THADA: variants seen among roughly 807,000 people sequenced by gnomAD.
THADA encodes THADA armadillo repeat containing.
In THADA, 213 loss-of-function variants were observed where a neutral mutation model predicts 219.8. The observed-to-expected ratio is 0.97, with a 90% CI of 0.87 to 1.09. The LOEUF (loss-of-function observed/expected upper bound fraction) is 1.09. THADA is among the 50% of genes least tolerant of loss of function. The pLI is 0.00. For missense variants in THADA, 2,956 were observed against 2,311.3 expected (o/e 1.28, Z -5.72); for synonymous variants, 1,018 against 828.9 (o/e 1.23, Z -3.92).
intron 18 of THADA, 67 bp downstream of exon 18, chr2:43,552,137 C>T: frequency 6.4e-7 from 1 of 1,552,362 alleles, no homozygotes; most frequent in Non-Finnish European, 8.7e-7. Context: ...GGACACATTC[C>T]AACCAGAGGT....
At chr2:43,394,441 A>T (rs968858212) in intron 29 of THADA, among the ~76,000 whole-genome samples, 6 of 152,368 alleles carry the variant, frequency 3.9e-5, no homozygotes, top group Admixed American at 3.9e-4. Flanking sequence ...ATGTTCTGTG[A>T]AAGAATTTGT....
rs1420645456 is a variant in THADA at position 43,572,973 on chromosome 2, TG to T, written c.1748del (p.Pro583HisfsTer3). Reference sequence around the variant, plus strand: ...CCCTGCTATTACAAGACCCTAAGGATGGGAAAGATTGCTCTTGTCCTGAAAG... The same window carrying T: ...CCCTGCTATTACAAGACCCTAAGGATGGAAAGATTGCTCTTGTCCTGAAAG... ...DAKTGQEQSF[P>X]SLGSCNSRGA... On this transcript the variant is annotated frameshift_variant, in exon 12 of 38. Coordinates refer to ENST00000405975, the MANE Select transcript of THADA (RefSeq NM_022065.5). LOFTEE classifies it high-confidence loss of function. The T allele has an allele frequency of 1.2e-6, 2 of 1,613,438 alleles. No homozygotes were observed. The highest frequency in any genetic ancestry group is 1.7e-6 in the Non-Finnish European group (2 of 1,179,688).
At chr2:43,359,034 T>C (rs1669195390) in intron 29 of THADA, among the ~76,000 whole-genome samples, 1 of 152,192 alleles carries the variant, frequency 6.6e-6, no homozygotes, top group South Asian at 2.1e-4. Context: ...TGTTTGTTCA[T>C]TTGCCACTCA....
At chr2:43,243,737 C>T (rs546829674) in intron 36 of THADA, among the ~76,000 whole-genome samples, 103 of 152,300 alleles carry the variant, frequency 6.8e-4, no homozygotes, top group African/African-American at 2.3e-3. Flanking sequence ...GGATACAACA[C>T]CATCATTTGA....
At chr2:43,345,508 T>C (rs1667538375) in intron 29 of THADA, among the ~76,000 whole-genome samples, 1 of 152,224 alleles carries the variant, frequency 6.6e-6, no homozygotes, top group South Asian at 2.1e-4. Flanking sequence ...GGATCTGTTA[T>C]TTCAGAAGCA....
At chr2:43,318,693 T>C (rs1406293667) in intron 31 of THADA, among the ~76,000 whole-genome samples, 1 of 152,004 alleles carries the variant, frequency 6.6e-6, no homozygotes, top group Non-Finnish European at 1.5e-5. Context: ...TCTTTAAGAG[T>C]AATATATAGA....
intron 22 of THADA, among the ~76,000 whole-genome samples, chr2:43,519,439 A>G (rs1398088730): frequency 6.6e-6 from 1 of 152,162 alleles, no homozygotes; most frequent in Non-Finnish European, 1.5e-5. Flanking sequence ...AATTCAATGA[A>G]CATTCCCTGG....
intron 21 of THADA, among the ~76,000 whole-genome samples, chr2:43,539,526 T>A (rs1695032351): frequency 6.6e-6 from 1 of 152,194 alleles, no homozygotes; most frequent in African/African-American, 2.4e-5. Context: ...TTAGCTAAAG[T>A]CAGCAATACG....
At chr2:43,331,522 T>G (rs1665772338) in intron 30 of THADA, among the ~76,000 whole-genome samples, 1 of 152,266 alleles carries the variant, frequency 6.6e-6, no homozygotes, top group South Asian at 2.1e-4. Context: ...CCAGTCCATA[T>G]TCCTCTGGCT....
In THADA at chr2:43,292,110, T is replaced by A; in HGVS notation, c.4931A>T (p.Asn1644Ile). 1 of 1,601,802 alleles carries A rather than the reference T, an allele frequency of 6.2e-7. No individual in the cohort carries two copies. Among genetic ancestry groups the A allele is most frequent in the Non-Finnish European group, 8.5e-7 (1 of 1,174,542 alleles). Residue 1644 changes from asparagine (N) to isoleucine (I), a missense_variant, in exon 33 of 38, where the codon AAT becomes ATT. Physicochemically the swap from Asn to Ile is moderately radical, Grantham distance 149. Coordinates refer to ENST00000405975, the MANE Select transcript of THADA (RefSeq NM_022065.5). ...GGAGGTTTTGGGGGCAAACCTTTCA[T>A]TGGAAGCAATATCCATCGTCCAGAT... Reference protein sequence around the residue: ...FLIWTMDIASNERSEIQSVAL... With the variant: ...FLIWTMDIASIERSEIQSVAL...
chr2:43,534,791 T>C (rs773660389), intron 21 of THADA, among the ~76,000 whole-genome samples: 16 of 152,232 alleles, frequency 1.1e-4, no homozygotes, highest in Non-Finnish European at 2.4e-4. Flanking sequence ...ATTGCAACAC[T>C]ATTCAATCAA....
At chr2:43,398,287 A>G in intron 28 of THADA, 148 bp from the exon 29 acceptor site, 3 of 753,182 alleles carry the variant, frequency 4.0e-6, no homozygotes, top group Non-Finnish European at 6.2e-6. Flanking sequence ...GATGTTTTGT[A>G]TCTGCACTAG....
chr2:43,467,296 A>G (rs1044969125), intron 26 of THADA, among the ~76,000 whole-genome samples: 3 of 152,162 alleles, frequency 2.0e-5, no homozygotes, highest in Non-Finnish European at 1.5e-5. Flanking sequence ...ATGTAGTGCA[A>G]ATTTGAACAC....
At chr2:43,501,881 T>C (rs930910997) in intron 24 of THADA, among the ~76,000 whole-genome samples, 1 of 151,618 alleles carries the variant, frequency 6.6e-6, no homozygotes, top group Non-Finnish European at 1.5e-5. Flanking sequence ...GTGGTGAAGG[T>C]TGCAGTGAGC....
At chr2:43,251,544 C>T (rs763999891) in intron 36 of THADA, among the ~76,000 whole-genome samples, 2 of 152,178 alleles carry the variant, frequency 1.3e-5, no homozygotes, top group African/African-American at 4.8e-5. Flanking sequence ...TCTCTGTCAG[C>T]GTGCGAAACA....
chr2:43,578,419 T>G, intron 9 of THADA, 94 bp downstream of exon 9: 2 of 864,754 alleles, frequency 2.3e-6, no homozygotes, highest in Admixed American at 2.4e-5. Context: ...AGTGTTGGGA[T>G]TATAAGTGTG....
chr2:43,450,174 C>A (rs186342325), intron 26 of THADA, among the ~76,000 whole-genome samples: 179 of 152,146 alleles, frequency 1.2e-3, no homozygotes, highest in Middle Eastern at 0.01. Context: ...TTTTTGTAAT[C>A]TACAAAAATT....
intron 26 of THADA, among the ~76,000 whole-genome samples, chr2:43,437,774 T>C (rs1017780410): frequency 6.6e-6 from 1 of 152,052 alleles, no homozygotes; most frequent in Non-Finnish European, 1.5e-5. Context: ...AGATATAGTG[T>C]CTCCCTCTGG....
chr2:43,470,913 T>C (rs1175990802), intron 26 of THADA, among the ~76,000 whole-genome samples: 1 of 152,116 alleles, frequency 6.6e-6, no homozygotes, highest in Non-Finnish European at 1.5e-5. Context: ...AATATTTGTT[T>C]TGAATATAAG....
Sources: allele counts gnomAD v4.1 joint callset (sites outside exome capture counted in the v4.1 genomes callset), GRCh38; gene constraint gnomAD v4.1.1; transcripts MANE v1.5; gene names NCBI Gene and HGNC (gene_info 2026-07-23, HGNC 2026-07-21).